The following TBCA variants were observed in gnomAD, a reference collection of about 807,000 sequenced individuals.
TBCA encodes tubulin folding cofactor A.
Under a neutral mutation model 15.8 loss-of-function variants are expected in TBCA, and 6 were observed. That is an observed-to-expected ratio of 0.38 (90% CI 0.21 to 0.75). The LOEUF is 0.75. Among genes scored for constraint, TBCA ranks in the 30% least tolerant of loss-of-function variants. TBCA has a pLI of 0.46. For synonymous variants in TBCA, 32 were observed against 42.3 expected, an observed-to-expected ratio of 0.76 and a Z score of 0.94; for missense variants, 90 against 131.2, an observed-to-expected ratio of 0.69 and a Z score of 1.53.
intron 1 of TBCA, among the ~76,000 whole-genome samples, chr5:77,714,955 G>T (rs1746365518): frequency 6.6e-6 from 1 of 152,194 alleles, no homozygotes; most frequent in South Asian, 2.1e-4. Context: ...CCTGCCCTAT[G>T]GCACTTTTTA....
At chr5:77,774,576 T>C (rs552621556) in intron 1 of TBCA, among the ~76,000 whole-genome samples, 3 of 152,294 alleles carry the variant, frequency 2.0e-5, no homozygotes, top group South Asian at 4.1e-4. Flanking sequence ...CTCCTATAAC[T>C]TGGAACTGTC....
At chr5:77,716,645 T>C (rs573086612) in intron 1 of TBCA, among the ~76,000 whole-genome samples, 2 of 152,330 alleles carry the variant, frequency 1.3e-5, no homozygotes, top group South Asian at 4.1e-4. Context: ...TTCAGTACCT[T>C]GTCCAAGTTC....
intron 1 of TBCA, among the ~76,000 whole-genome samples, chr5:77,749,832 G>GT (rs1035841582): frequency 6.6e-6 from 1 of 152,098 alleles, no homozygotes; most frequent in African/African-American, 2.4e-5. Flanking sequence ...TAGAAGACTA[G>GT]TTTTTTTTAA....
intron 1 of TBCA, among the ~76,000 whole-genome samples, chr5:77,764,831 T>G (rs1747733913): frequency 1.3e-5 from 2 of 152,116 alleles, no homozygotes; most frequent in South Asian, 4.1e-4. Context: ...TTGCTAGCCA[T>G]CCCAATATAA....
In TBCA at chr5:77,739,388, G is replaced by A. The variant is rs142567204; in HGVS notation, c.54-31041C>T. 5.6e-4 allele frequency among the ~76,000 whole-genome samples: 85 copies of A among 152,272 alleles called. 1 individual carries two copies. The East Asian group carries it at 0.013, about 23-fold the overall frequency. On this transcript the variant is annotated intron_variant, in intron 1 of 3. Transcript: ENST00000380377. Reference sequence around the variant, plus strand: ...AGGCACGAGCGTCGCTTGAACCTAGGAAGCAGAGGTTGTGGTGAGCCAAGA... The same window carrying A: ...AGGCACGAGCGTCGCTTGAACCTAGAAAGCAGAGGTTGTGGTGAGCCAAGA...
rs1747005003 is a variant in TBCA at position 77,740,419 on chromosome 5, C to G, written c.54-32072G>C. Among the ~76,000 whole-genome samples the G allele has an allele frequency of 2.6e-5, 4 of 152,178 alleles. No homozygotes were observed. The South Asian group carries it at 8.3e-4, about 32-fold the overall frequency. ...AGGAGAGAGATGGTGGTGACCCAGA[C>G]AAGAGCAGTAGCTATAGGAATTGAG... is the stretch of plus-strand genomic sequence containing the variant. On this transcript the variant is annotated intron_variant, in intron 1 of 3. Coordinates refer to ENST00000380377, the MANE Select transcript of TBCA (RefSeq NM_004607.3).
chr5:77,768,197 C>T (rs934542028), intron 1 of TBCA, among the ~76,000 whole-genome samples: 25 of 152,140 alleles, frequency 1.6e-4, no homozygotes, highest in African/African-American at 5.8e-4. Flanking sequence ...CACAAATGAA[C>T]GAAGATAGGT....
At chr5:77,704,222 G>T (rs1746092588) in intron 2 of TBCA, among the ~76,000 whole-genome samples, 1 of 152,084 alleles carries the variant, frequency 6.6e-6, no homozygotes, top group South Asian at 2.1e-4. Context: ...TACCCAGCTT[G>T]GCCTCCCAAA....
intron 1 of TBCA, among the ~76,000 whole-genome samples, chr5:77,750,258 T>C (rs2112491753): frequency 6.6e-6 from 1 of 152,016 alleles, no homozygotes; most frequent in African/African-American, 2.4e-5. Flanking sequence ...AAAAAATTAC[T>C]CAAATATTTT....
At chr5:77,764,462 T>C (rs548048512) in intron 1 of TBCA, among the ~76,000 whole-genome samples, 182 of 152,328 alleles carry the variant, frequency 1.2e-3, no homozygotes, top group Non-Finnish European at 1.9e-3. Context: ...AAGAAAATAC[T>C]ACTGGGGTAA....
chr5:77,760,408 C>CCTCCTTTCCT (rs552207304), intron 1 of TBCA, among the ~76,000 whole-genome samples: 1 of 151,804 alleles, frequency 6.6e-6, no homozygotes, highest in Non-Finnish European at 1.5e-5. Flanking sequence ...CCTTTCCTTT[C>CCTCCTTTCCT]CTCCTTTCCT....
In TBCA at chr5:77,691,453, G is replaced by C; in HGVS notation, c.292C>G (p.Arg98Gly). ...LEEAEEYKEA[R>G]LVLDSVKLEA The stretch of plus-strand genomic sequence containing the variant: ...AACTTCACTGAATCCAGTACTAAAC[G>C]TGCTTCTTTATATTCCTCAGCTTCT... The change falls in exon 4 of 4, where the codon CGT becomes GGT. Residue 98 changes from arginine (R) to glycine (G), a missense_variant. Physicochemically the swap from Arg to Gly is moderately radical, Grantham distance 125 (BLOSUM62 -2). Transcript: ENST00000380377. 1 of 1,596,714 alleles carries C rather than the reference G, an allele frequency of 6.3e-7. No homozygotes were observed. The highest frequency in any genetic ancestry group is 8.5e-7 in the Non-Finnish European group (1 of 1,175,926).
chr5:77,693,448 G>A, intron 2 of TBCA, 96 bp from the exon 3 acceptor site: 1 of 1,372,482 alleles, frequency 7.3e-7, no homozygotes, highest in Non-Finnish European at 9.9e-7. Context: ...AGAGGAATCA[G>A]AAAAAAGTTA....
chr5:77,691,366 G>A lies in TBCA; in HGVS notation c.*52C>T. 2.0e-6 allele frequency: 3 copies of A among 1,471,204 alleles called. No individual in the cohort carries two copies. Among genetic ancestry groups the A allele is most frequent in the Non-Finnish European group, 2.8e-6 (3 of 1,070,220 alleles). 91.1% of individuals were successfully genotyped at this position (1,471,204 alleles called of 1,614,324 possible). A position where few individuals can be genotyped will look rare whatever the true frequency, so the allele number is the denominator to read the frequency against. ...TAGCAGTGGTCAAAAATAATGGATT[G>A]TAAAATGGACCCCAGGATTTAATGC... On this transcript the variant is annotated 3_prime_UTR_variant, in exon 4 of 4. Transcript: ENST00000380377.
chr5:77,737,914 C>T (rs923686951), intron 1 of TBCA, among the ~76,000 whole-genome samples: 1 of 152,300 alleles, frequency 6.6e-6, no homozygotes, highest in Admixed American at 6.5e-5. Context: ...TATAATTCAT[C>T]CCACTCTGGT....
chr5:77,740,833 G>A (rs1169575104), intron 1 of TBCA, among the ~76,000 whole-genome samples: 6 of 152,126 alleles, frequency 3.9e-5, no homozygotes, highest in Admixed American at 1.3e-4. Context: ...GTAAGGGTAA[G>A]CTACACTTGA....
At chr5:77,693,064 C>T in intron 3 of TBCA, 1 of 1,443,878 alleles carries the variant, frequency 6.9e-7, no homozygotes, top group Non-Finnish European at 9.0e-7. Context: ...AACAAACATG[C>T]TAGAAAACAG....
At chr5:77,768,085 C>G (rs1230854942) in intron 1 of TBCA, among the ~76,000 whole-genome samples, 1 of 152,192 alleles carries the variant, frequency 6.6e-6, no homozygotes, top group African/African-American at 2.4e-5. Context: ...TCACCAGATA[C>G]TTGCTGGCCT....
chr5:77,752,625 C>G lies in TBCA; in HGVS notation c.53+23580G>C, dbSNP rs1013754391. Among the ~76,000 whole-genome samples the G allele has an allele frequency of 5.9e-5, 4 of 67,272 alleles. 1 individual carries two copies. Among genetic ancestry groups the G allele is most frequent in the African/African-American group, 2.0e-4 (4 of 20,088 alleles). 44.1% of individuals were successfully genotyped at this position (67,272 alleles called of 152,430 possible). ...GGACTGCGGACTGCAGTGGCGCAATCTCGGCTCACTGCAAGCTCCGCTTCC... is the reference window on the plus strand; with the variant it reads ...GGACTGCGGACTGCAGTGGCGCAATGTCGGCTCACTGCAAGCTCCGCTTCC... On this transcript the variant is annotated intron_variant, in intron 1 of 3. Coordinates refer to ENST00000380377, the MANE Select transcript of TBCA (RefSeq NM_004607.3).
Sources: allele counts gnomAD v4.1 joint callset (sites outside exome capture counted in the v4.1 genomes callset), GRCh38; gene constraint gnomAD v4.1.1; transcripts MANE v1.5; gene names NCBI Gene and HGNC (gene_info 2026-07-23, HGNC 2026-07-21).